Variants in SAV1 observed in about 807,000 individuals in gnomAD.
SAV1 encodes salvador family WW domain containing protein 1.
In SAV1, 23 loss-of-function variants were observed where a neutral mutation model predicts 47.3. The ratio of observed to expected loss-of-function variants is 0.49; its 90% confidence interval spans 0.35 to 0.69. The LOEUF (loss-of-function observed/expected upper bound fraction) is 0.69, where lower values mean the gene tolerates loss of function less well. Among genes scored for constraint, SAV1 ranks in the 30% least tolerant of loss-of-function variants. SAV1 has a pLI of 0.01. For synonymous variants in SAV1, 155 were observed against 159.2 expected, an observed-to-expected ratio of 0.97 and a Z score of 0.20; for missense variants, 448 against 457.4, an observed-to-expected ratio of 0.98 and a Z score of 0.19.
chr14:50,658,868 C>A (rs912338371), intron 2 of SAV1, among the ~76,000 whole-genome samples: 3 of 152,026 alleles, frequency 2.0e-5, no homozygotes, highest in African/African-American at 7.3e-5. Flanking sequence ...CAGATTTTTC[C>A]CTTGTGGAAG....
At chr14:50,660,546 A>C (rs939073265) in intron 2 of SAV1, among the ~76,000 whole-genome samples, 1 of 152,204 alleles carries the variant, frequency 6.6e-6, no homozygotes, top group Non-Finnish European at 1.5e-5. Context: ...TGATACATGC[A>C]AAGAGTATGA....
intron 1 of SAV1, among the ~76,000 whole-genome samples, chr14:50,666,652 T>A (rs2039903640): frequency 6.6e-6 from 1 of 151,846 alleles, no homozygotes; most frequent in African/African-American, 2.4e-5. Flanking sequence ...TAAAGTATAA[T>A]AAAAAGTGTG....
chr14:50,638,694 G>T (rs955124779), intron 4 of SAV1, among the ~76,000 whole-genome samples: 1 of 152,106 alleles, frequency 6.6e-6, no homozygotes, highest in Non-Finnish European at 1.5e-5. Flanking sequence ...CTAGTGTTTT[G>T]GTGTGTGTGT....
At chr14:50,667,663 G>T in intron 1 of SAV1, among the ~76,000 whole-genome samples, 1 of 132,980 alleles carries the variant, frequency 7.5e-6, no homozygotes, top group Non-Finnish European at 1.6e-5. Context: ...TCTTGGGGGG[G>T]TTAGGCGCGG....
At position 50,644,729 on chromosome 14, in the gene SAV1, A is replaced by C. The variant is rs754513662; in HGVS notation, c.806+15T>G. 4.3e-5 allele frequency: 69 copies of C among 1,590,022 alleles called. No individual in the cohort carries two copies. Among genetic ancestry groups the C allele is most frequent in the Middle Eastern group, 1.7e-4 (1 of 5,912 alleles). On this transcript the variant is annotated intron_variant, in intron 3 of 4. Transcript: ENST00000324679. ...ATCCCGAAACAAAAAGTTGAAAATA[A>C]AGTTGATACTGTACCTAGGAGCACA... is the stretch of plus-strand genomic sequence containing the variant.
intron 4 of SAV1, among the ~76,000 whole-genome samples, chr14:50,636,432 A>G (rs980513278): frequency 1.2e-4 from 19 of 152,232 alleles, no homozygotes; most frequent in African/African-American, 2.9e-4. Flanking sequence ...AACAAACAGG[A>G]AAACTAAAGA....
chr14:50,667,505 A>G (rs1433105546), intron 1 of SAV1: 2 of 465,188 alleles, frequency 4.3e-6, no homozygotes, highest in South Asian at 3.1e-5. Flanking sequence ...ACGCATCTAA[A>G]AGAGTAAAAA....
At chr14:50,646,052 T>C (rs562118303) in intron 2 of SAV1, among the ~76,000 whole-genome samples, 1 of 152,286 alleles carries the variant, frequency 6.6e-6, no homozygotes, top group African/African-American at 2.4e-5. Context: ...CCTGAAATTA[T>C]CTTTATCTTT....
rs554174201 is a variant in SAV1, at chr14:50,645,910, A to G, written c.536-896T>C. On this transcript the variant is annotated intron_variant, in intron 2 of 4. Coordinates refer to ENST00000324679, the MANE Select transcript of SAV1 (RefSeq NM_021818.4). Reference sequence around the variant, plus strand: ...TGGAAACAAAAGTTATTGAGATAATATAATTTATAATAGCTCCAAAGAATT... The same window carrying G: ...TGGAAACAAAAGTTATTGAGATAATGTAATTTATAATAGCTCCAAAGAATT... 3.3e-5 allele frequency among the ~76,000 whole-genome samples: 5 copies of G among 152,328 alleles called. No homozygotes were observed. The East Asian group carries it at 9.6e-4, about 29-fold the overall frequency.
At chr14:50,664,063 T>C (rs529139347) in intron 2 of SAV1, among the ~76,000 whole-genome samples, 1 of 152,340 alleles carries the variant, frequency 6.6e-6, no homozygotes, top group Admixed American at 6.5e-5. Context: ...ATCATCTCTT[T>C]AAGTATTCCA....
intron 2 of SAV1, among the ~76,000 whole-genome samples, chr14:50,653,462 C>T (rs2039786861): frequency 1.3e-5 from 2 of 152,142 alleles, no homozygotes; most frequent in South Asian, 2.1e-4. Context: ...TCAAAATTTG[C>T]AACACTTAGA....
intron 2 of SAV1, among the ~76,000 whole-genome samples, chr14:50,650,209 T>A (rs568006312): frequency 2.6e-5 from 4 of 152,220 alleles, no homozygotes; most frequent in Non-Finnish European, 5.9e-5. Context: ...TGCATATGCA[T>A]AAGGCTAGTC....
intron 4 of SAV1, among the ~76,000 whole-genome samples, chr14:50,638,367 T>C (rs766300176): frequency 6.6e-6 from 1 of 152,218 alleles, no homozygotes. Flanking sequence ...GCTTCTAGCA[T>C]CTCTTTCACT....
intron 4 of SAV1, among the ~76,000 whole-genome samples, chr14:50,638,300 G>A (rs146407048): frequency 0.016 from 2,375 of 152,204 alleles, 44 homozygotes; most frequent in Non-Finnish European, 0.021. Flanking sequence ...CATTTATACT[G>A]TATATACACA....
At chr14:50,651,212 T>A (rs1411419795) in intron 2 of SAV1, among the ~76,000 whole-genome samples, 1 of 152,144 alleles carries the variant, frequency 6.6e-6, no homozygotes, top group Non-Finnish European at 1.5e-5. Context: ...TTTATGCCAA[T>A]GAGTTTGGAA....
At chr14:50,655,007 T>TA (rs55783092) in intron 2 of SAV1, among the ~76,000 whole-genome samples, 114,842 of 152,080 alleles carry the variant, frequency 0.76, 43,596 homozygotes, top group East Asian at 0.82. Flanking sequence ...TATAATTTTT[T>TA]AAAGATGGTG....
chr14:50,654,525 C>G (rs1041542530), intron 2 of SAV1, among the ~76,000 whole-genome samples: 1 of 152,182 alleles, frequency 6.6e-6, no homozygotes, highest in South Asian at 2.1e-4. Flanking sequence ...CATGAGCAAT[C>G]ACTGATCACA....
chr14:50,642,645 A>G (rs919967572), intron 3 of SAV1, among the ~76,000 whole-genome samples: 4 of 152,210 alleles, frequency 2.6e-5, no homozygotes, highest in African/African-American at 9.7e-5. Context: ...AGGGAGAAAA[A>G]AAAGAAAATG....
At chr14:50,647,474 T>G (rs1409619202) in intron 2 of SAV1, among the ~76,000 whole-genome samples, 1 of 152,164 alleles carries the variant, frequency 6.6e-6, no homozygotes, top group Non-Finnish European at 1.5e-5. Context: ...GAGGGTTACT[T>G]GAGCCCAAGA....
Sources: gnomAD v4.1 joint callset for allele counts (sites outside exome capture counted in the v4.1 genomes callset) on GRCh38, gnomAD v4.1.1 for gene constraint, MANE v1.5 for transcripts, NCBI Gene and HGNC (gene_info 2026-07-23, HGNC 2026-07-21) for gene names.